The following RMDN2 variants were observed in gnomAD, a reference collection of about 807,000 sequenced individuals.
RMDN2 encodes regulator of microtubule dynamics 2, also known as regulator of microtubule dynamics protein 2.
In RMDN2, 61 loss-of-function variants were observed where a neutral mutation model predicts 52.8. That is an observed-to-expected ratio of 1.16 (90% CI 0.94 to 1.43). The LOEUF is 1.43. Among genes scored for constraint, RMDN2 ranks in the 40% most tolerant of loss-of-function variants. The pLI, the probability that RMDN2 is intolerant of heterozygous loss-of-function variation, is 0.00. For synonymous variants in RMDN2, 180 were observed against 153.1 expected, an observed-to-expected ratio of 1.18 and a Z score of -1.30; for missense variants, 592 against 475.3, an observed-to-expected ratio of 1.25 and a Z score of -2.28.
At chr2:37,976,838 CTTTTT>C (rs891262560) in intron 4 of RMDN2, among the ~76,000 whole-genome samples, 2 of 144,584 alleles carry the variant, frequency 1.4e-5, no homozygotes, top group Non-Finnish European at 3.1e-5. Context: ...ACATTTTTTT[CTTTTT>C]TTTTTTAAAT....
At chr2:37,997,349 C>A in intron 7 of RMDN2, 67 bp from the exon 8 acceptor site, 1 of 954,362 alleles carries the variant, frequency 1.0e-6, no homozygotes, top group Non-Finnish European at 1.7e-6. Flanking sequence ...ACACGTCTAA[C>A]TGGGGAGAGA....
At chr2:37,950,391 C>G in intron 2 of RMDN2, 2 of 1,551,158 alleles carry the variant, frequency 1.3e-6, no homozygotes, top group Admixed American at 1.7e-5. Context: ...CAGAACAGTT[C>G]TAATATAAAC....
chr2:37,983,904 T>G (rs1673649187), intron 5 of RMDN2, among the ~76,000 whole-genome samples: 1 of 152,162 alleles, frequency 6.6e-6, no homozygotes, highest in Admixed American at 6.5e-5. Flanking sequence ...AATAAAGTTT[T>G]ATTGGATCAC....
At chr2:38,026,436 G>A (rs912418550) in intron 10 of RMDN2, among the ~76,000 whole-genome samples, 3 of 151,990 alleles carry the variant, frequency 2.0e-5, no homozygotes, top group Non-Finnish European at 4.4e-5. Flanking sequence ...GAAATTAACA[G>A]CTTTTGGGTT....
chr2:38,019,213 G>T (rs1303528865), downstream of RMDN2, among the ~76,000 whole-genome samples: 5 of 152,216 alleles, frequency 3.3e-5, no homozygotes, highest in Non-Finnish European at 7.3e-5. Flanking sequence ...CAAGTATGTT[G>T]TAGGTTTTGT....
chr2:37,948,831 G>A (rs1668451718), intron 2 of RMDN2, among the ~76,000 whole-genome samples: 1 of 152,102 alleles, frequency 6.6e-6, no homozygotes, highest in Non-Finnish European at 1.5e-5. Flanking sequence ...AAGGTCGGGG[G>A]AGTGATCTGA....
chr2:37,950,309 A>T (rs1339752907), intron 2 of RMDN2: 11 of 675,410 alleles, frequency 1.6e-5, no homozygotes, highest in African/African-American at 3.6e-5. Flanking sequence ...TTGTTGGATG[A>T]CTCCTCCAAC....
At chr2:38,005,173 C>T (rs1217590190) in intron 10 of RMDN2, among the ~76,000 whole-genome samples, 1 of 152,232 alleles carries the variant, frequency 6.6e-6, no homozygotes, top group African/African-American at 2.4e-5. Context: ...GTGCATGTGT[C>T]TTTAAAGCAG....
chr2:37,924,679 G>T (rs193226197), upstream of RMDN2, among the ~76,000 whole-genome samples: 1 of 152,178 alleles, frequency 6.6e-6, no homozygotes, highest in Non-Finnish European at 1.5e-5. Context: ...GTTTTTAAGA[G>T]CGTATTTAGC....
chr2:37,958,381 C>T (rs1455528462), intron 2 of RMDN2, among the ~76,000 whole-genome samples: 1 of 151,118 alleles, frequency 6.6e-6, no homozygotes, highest in Non-Finnish European at 1.5e-5. Flanking sequence ...AGTTGTATTC[C>T]TAGGTATTTT....
At chr2:37,994,968 T>A (rs1173727839) in intron 7 of RMDN2, among the ~76,000 whole-genome samples, 1 of 152,138 alleles carries the variant, frequency 6.6e-6, no homozygotes, top group Non-Finnish European at 1.5e-5. Flanking sequence ...CAGATCAGTA[T>A]TTGTGTAGGG....
At chr2:37,996,382 C>G (rs1215051137) in intron 7 of RMDN2, among the ~76,000 whole-genome samples, 4 of 151,952 alleles carry the variant, frequency 2.6e-5, no homozygotes, top group Admixed American at 1.3e-4. Flanking sequence ...CCCAGGAGTT[C>G]AGGACCAGCC....
At chr2:37,943,835 T>C (rs1667997303) in intron 2 of RMDN2, among the ~76,000 whole-genome samples, 1 of 152,226 alleles carries the variant, frequency 6.6e-6, no homozygotes, top group Non-Finnish European at 1.5e-5. Flanking sequence ...GGCTTTTTTT[T>C]CACCCTGACT....
intron 10 of RMDN2, chr2:38,066,832 T>G (rs528717193): frequency 2.0e-4 from 131 of 648,034 alleles, no homozygotes; most frequent in Non-Finnish European, 3.3e-4. Context: ...ATTTCCAAGA[T>G]CCTACTGTCA....
intron 5 of RMDN2, among the ~76,000 whole-genome samples, chr2:37,985,460 A>G (rs1454940695): frequency 6.6e-6 from 1 of 152,138 alleles, no homozygotes; most frequent in African/African-American, 2.4e-5. Context: ...GCACTGAGGC[A>G]AGTTCACTCA....
intron 2 of RMDN2, among the ~76,000 whole-genome samples, chr2:37,943,980 C>G (rs1257501235): frequency 1.3e-5 from 2 of 152,068 alleles, no homozygotes; most frequent in African/African-American, 2.4e-5. Context: ...AAGGTGTCTG[C>G]ATATTTTGTG....
intron 10 of RMDN2, chr2:38,029,216 C>T (rs1394895381): frequency 6.6e-6 from 1 of 152,232 alleles, no homozygotes; most frequent in Non-Finnish European, 1.5e-5. Flanking sequence ...GTCTACATTC[C>T]AGGCACACGG....
At chr2:37,957,887 A>G (rs896713266) in intron 2 of RMDN2, among the ~76,000 whole-genome samples, 9 of 152,184 alleles carry the variant, frequency 5.9e-5, no homozygotes, top group Non-Finnish European at 1.2e-4. Flanking sequence ...TCCCAATACC[A>G]TTTATTAAAT....
At chr2:37,978,501 C>G (rs1463555251) in intron 4 of RMDN2, among the ~76,000 whole-genome samples, 1 of 152,040 alleles carries the variant, frequency 6.6e-6, no homozygotes, top group African/African-American at 2.4e-5. Context: ...CATACATATA[C>G]AAAAACGAAT....
Sources: allele counts gnomAD v4.1 joint callset (sites outside exome capture counted in the v4.1 genomes callset), GRCh38; gene constraint gnomAD v4.1.1; transcripts MANE v1.5; gene names NCBI Gene and HGNC (gene_info 2026-07-23, HGNC 2026-07-21).